GALK1: variants seen among roughly 807,000 people sequenced by gnomAD.
GALK1 encodes the protein galactokinase 1.
GALK1 carries 30 observed loss-of-function variants against 38.6 expected under a neutral mutation model. That is an observed-to-expected ratio of 0.78 (90% CI 0.58 to 1.05). GALK1 has a LOEUF of 1.05. GALK1 is among the 50% of genes least tolerant of loss of function. GALK1 has a pLI of 0.00. For synonymous variants in GALK1, 240 were observed against 233.6 expected, an observed-to-expected ratio of 1.03 and a Z score of -0.25; for missense variants, 512 against 540.5, an observed-to-expected ratio of 0.95 and a Z score of 0.52.
downstream of GALK1, chr17:75,755,287 C>T (rs2061470607): frequency 1.4e-6 from 2 of 1,481,394 alleles, no homozygotes; most frequent in Non-Finnish European, 1.8e-6. Context: ...TAGCAGCCGC[C>T]AGCTGTGCCC....
At chr17:75,754,140 G>C (rs1369871677), downstream of GALK1, among the ~76,000 whole-genome samples, 2 of 152,212 alleles carry the variant, frequency 1.3e-5, no homozygotes, top group Non-Finnish European at 2.9e-5. Flanking sequence ...AGTGCCAGGG[G>C]ACGCGTGAGG....
In GALK1 at chr17:75,765,166, T is replaced by C. The variant is rs564930455; in HGVS notation, c.-30A>G. ...CGCGCCTGCAGCTCTGCACAGCTGC[T>C]CCGGCACAGCCCCGTCGGCGCGGGA... is the stretch of plus-strand genomic sequence containing the variant. On this transcript the variant is annotated 5_prime_UTR_variant, in exon 1 of 8. Coordinates refer to ENST00000588479, the MANE Select transcript of GALK1 (RefSeq NM_000154.2). The C allele has an allele frequency of 2.3e-5, 34 of 1,472,596 alleles. No homozygotes were observed. In the South Asian group the frequency reaches 2.4e-4, roughly 10 times the overall value. The allele number at this position is 1,472,596 out of a possible 1,614,324, so 91.2% of individuals were successfully genotyped here. A position where few individuals can be genotyped will look rare whatever the true frequency, so the allele number is the denominator to read the frequency against.
rs753681653 is a variant in GALK1, at chr17:75,758,479, C to T, written c.914G>A (p.Arg305His). Residue 305 changes from arginine to histidine, a missense_variant, in exon 6 of 8, where the codon CGC becomes CAC. Arg to His is a conservative substitution (Grantham distance 29). Transcript: ENST00000588479. Reference sequence around the variant, plus strand: ...TGAGCGGTGGCTCTCCACCATGAGGCGGCCAAAGGCTCTGTAGTCGCCACG... The same window carrying T: ...TGAGCGGTGGCTCTCCACCATGAGGTGGCCAAAGGCTCTGTAGTCGCCACG... The part of the protein sequence containing the change: ...LRRGDYRAFG[R>H]LMVESHRSLR... 45 of 1,575,802 alleles carry T rather than the reference C, an allele frequency of 2.9e-5. No homozygotes were observed. The highest frequency in any genetic ancestry group is 3.3e-5 in the Non-Finnish European group (38 of 1,163,026).
chr17:75,759,287 G>C (rs895748481), intron 5 of GALK1, among the ~76,000 whole-genome samples: 2 of 152,102 alleles, frequency 1.3e-5, no homozygotes, highest in Non-Finnish European at 2.9e-5. Context: ...AGTTAGCCGG[G>C]CATCGTGGCA....
chr17:75,753,914 G>C, downstream of GALK1: 3 of 1,287,012 alleles, frequency 2.3e-6, no homozygotes, highest in Non-Finnish European at 2.9e-6. Context: ...CCCGGACGAC[G>C]GCGGCGCGGG....
At chr17:75,753,882 A>T, downstream of GALK1, 1 of 1,320,800 alleles carries the variant, frequency 7.6e-7, no homozygotes, top group Admixed American at 3.6e-5. Context: ...CGCTCCTCCG[A>T]CGCCGAGGCG....
At chr17:75,756,300 T>G, downstream of GALK1, 1 of 976,894 alleles carries the variant, frequency 1.0e-6, no homozygotes, top group Non-Finnish European at 1.6e-6. Flanking sequence ...GTACCCAACC[T>G]GTACCCAAAC....
downstream of GALK1, chr17:75,755,125 G>A (rs771011007): frequency 8.1e-6 from 13 of 1,610,964 alleles, no homozygotes; most frequent in Admixed American, 2.2e-4. Flanking sequence ...CCCGGAGTCG[G>A]GCTCAGATGA....
chr17:75,764,822 G>A (rs771513393), intron 1 of GALK1, 150 bp downstream of exon 1: 1 of 822,908 alleles, frequency 1.2e-6, no homozygotes, highest in Admixed American at 2.4e-5. Flanking sequence ...GCCTGTCCCG[G>A]GGACTCTTCC....
chr17:75,754,107 A>C (rs2061431895), downstream of GALK1: 3 of 453,400 alleles, frequency 6.6e-6, no homozygotes. Context: ...GGCTGGGAGC[A>C]CAGCTGCTCA....
chr17:75,751,790 C>A, intron 8 of GALK1: 1 of 313,460 alleles, frequency 3.2e-6, no homozygotes, highest in South Asian at 3.2e-5. Flanking sequence ...TATCTAGCAG[C>A]CCGAGATCAG....
chr17:75,752,187 C>G, intron 8 of GALK1: 2 of 1,613,984 alleles, frequency 1.2e-6, no homozygotes, highest in Non-Finnish European at 1.7e-6. Context: ...CTATTGGGCC[C>G]ATGAAGAAAG....
chr17:75,763,546 T>C (rs1276080496), intron 2 of GALK1, 107 bp from the exon 3 acceptor site: 20 of 1,272,548 alleles, frequency 1.6e-5, no homozygotes, highest in Admixed American at 2.0e-5. Context: ...CAGCTGTTTC[T>C]AGGGTGTGTG....
At chr17:75,757,082 C>T (rs146573290), downstream of GALK1, 1 of 1,612,852 alleles carries the variant, frequency 6.2e-7, no homozygotes, top group Admixed American at 1.7e-5. Flanking sequence ...GCGAGGGCAT[C>T]ATCACCATAG....
At chr17:75,759,623 G>A (rs1459838087) in intron 5 of GALK1, among the ~76,000 whole-genome samples, 1 of 152,048 alleles carries the variant, frequency 6.6e-6, no homozygotes, top group African/African-American at 2.4e-5. Context: ...CTATGCAGAA[G>A]GAGACCTGGA....
chr17:75,757,328 G>C, downstream of GALK1: 5 of 1,612,652 alleles, frequency 3.1e-6, no homozygotes, highest in Non-Finnish European at 4.2e-6. Context: ...CTGAGGGCTA[G>C]GGGATCCCGG....
downstream of GALK1, chr17:75,756,372 C>T: frequency 6.3e-7 from 1 of 1,589,612 alleles, no homozygotes; most frequent in Non-Finnish European, 8.6e-7. Context: ...CGAGGAGGAT[C>T]AGGCCAGGGG....
rs2061604366 is a variant in GALK1 at position 75,764,958 on chromosome 17, G to A, written c.165+14C>T. Reference sequence around the variant, plus strand: ...GGCGGCGGCGGGCTAGGGGCTCCCCGTGCAGCCCCTCACCATAGGCAGCAC... The same window carrying A: ...GGCGGCGGCGGGCTAGGGGCTCCCCATGCAGCCCCTCACCATAGGCAGCAC... On this transcript the variant is annotated intron_variant, in intron 1 of 7. Coordinates refer to ENST00000588479, the MANE Select transcript of GALK1 (RefSeq NM_000154.2). The A allele has an allele frequency of 7.5e-6, 12 of 1,603,248 alleles. No individual in the cohort carries two copies. The highest frequency in any genetic ancestry group is 9.4e-6 in the Non-Finnish European group (11 of 1,175,952).
At position 75,762,318 on chromosome 17, in the gene GALK1, TA is replaced by T. The variant is rs1336439248; in HGVS notation, c.793+385del. Among the ~76,000 whole-genome samples the T allele has an allele frequency of 2.2e-5, 3 of 138,680 alleles. 1 individual carries two copies. The highest frequency in any genetic ancestry group is 5.3e-4 in the South Asian group (2 of 3,742). 91.0% of individuals were successfully genotyped at this position (138,680 alleles called of 152,430 possible). ...GGCAACAGAATGAGACCCTGCCTCT[TA>T]AAAAAAAGGGGGTGGGGGGGGAAAG... On this transcript the variant is annotated intron_variant, in intron 5 of 7. Transcript: ENST00000588479.
Sources: gnomAD v4.1 joint callset for allele counts (sites outside exome capture counted in the v4.1 genomes callset) on GRCh38, gnomAD v4.1.1 for gene constraint, MANE v1.5 for transcripts, NCBI Gene and HGNC (gene_info 2026-07-23, HGNC 2026-07-21) for gene names.